Variants in DLG1 observed in about 807,000 individuals in gnomAD.
DLG1 encodes disks large homolog 1.
In DLG1, 42 loss-of-function variants were observed where a neutral mutation model predicts 123.4. The ratio of observed to expected loss-of-function variants is 0.34; its 90% CI spans 0.27 to 0.44. DLG1 has a LOEUF of 0.44. Among genes scored for constraint, DLG1 ranks in the 20% least tolerant of loss-of-function variants. DLG1 has a pLI of 1.00. For synonymous variants in DLG1, 317 were observed against 356.2 expected, an observed-to-expected ratio of 0.89 and a Z score of 1.24; for missense variants, 942 against 1,082.6, an observed-to-expected ratio of 0.87 and a Z score of 1.82.
chr3:197,239,017 CAG>C (rs772271050), intron 4 of DLG1, among the ~76,000 whole-genome samples: 71 of 151,858 alleles, frequency 4.7e-4, no homozygotes, highest in African/African-American at 3.6e-4. Context: ...AACAGAGAAA[CAG>C]AAGAAAAAAC....
At chr3:197,158,998 T>G (rs1470148919) in intron 5 of DLG1, among the ~76,000 whole-genome samples, 1 of 152,084 alleles carries the variant, frequency 6.6e-6, no homozygotes, top group Non-Finnish European at 1.5e-5. Flanking sequence ...ATCACAGAGA[T>G]TATGTGTTTA....
rs566020417 is a variant in DLG1 at position 197,209,842 on chromosome 3, A to G, written c.319-15253T>C. 4.6e-4 allele frequency among the ~76,000 whole-genome samples: 67 copies of G among 146,918 alleles called. 4 individuals are homozygous for G. The highest frequency in any genetic ancestry group is 1.4e-3 in the African/African-American group (59 of 41,308). On this transcript the variant is annotated intron_variant, in intron 4 of 24. Coordinates refer to ENST00000667157, the MANE Select transcript of DLG1 (RefSeq NM_001366207.1). ...AGCTAAATAGGACTATGTAGTAAAG[A>G]ATTTAACCTTGCTTTTAGCTCCCTC...
At chr3:197,199,024 C>A (rs1411358228) in intron 4 of DLG1, among the ~76,000 whole-genome samples, 1 of 152,090 alleles carries the variant, frequency 6.6e-6, no homozygotes, top group African/African-American at 2.4e-5. Flanking sequence ...TAACCATATA[C>A]TTTAAAAGAG....
chr3:197,220,087 T>C (rs935411182), intron 4 of DLG1, among the ~76,000 whole-genome samples: 2 of 152,236 alleles, frequency 1.3e-5, no homozygotes, highest in Non-Finnish European at 2.9e-5. Context: ...AAAGTTACAC[T>C]AGGTAACATG....
At chr3:197,097,027 C>A (rs971055510) in intron 14 of DLG1, among the ~76,000 whole-genome samples, 1 of 152,238 alleles carries the variant, frequency 6.6e-6, no homozygotes, top group African/African-American at 2.4e-5. Flanking sequence ...TGTTTAAAGA[C>A]ATGACCTCAG....
At position 197,119,391 on chromosome 3, in the gene DLG1, T is replaced by C; in HGVS notation, c.1286+19A>G. The C allele has an allele frequency of 6.4e-7, 1 of 1,573,006 alleles. No homozygotes were observed. Among genetic ancestry groups the C allele is most frequent in the South Asian group, 1.2e-5 (1 of 85,578 alleles). The stretch of plus-strand genomic sequence containing the variant: ...AATAGTTGATTTTATGTAAGAAGGA[T>C]AAATGTTAACTTCCTTACCTTGTAA... On this transcript the variant is annotated intron_variant, in intron 12 of 24. Transcript: ENST00000667157.
chr3:197,103,501 A>G (rs1025450716), intron 14 of DLG1, among the ~76,000 whole-genome samples: 1 of 152,030 alleles, frequency 6.6e-6, no homozygotes, highest in Non-Finnish European at 1.5e-5. Flanking sequence ...ATAGGGTCCC[A>G]TTGGCAGATT....
At chr3:197,281,620 A>G (rs1004417786) in intron 4 of DLG1, among the ~76,000 whole-genome samples, 5 of 152,246 alleles carry the variant, frequency 3.3e-5, no homozygotes, top group Non-Finnish European at 5.9e-5. Context: ...TGTAAAGAAA[A>G]TAAGGATATA....
At chr3:197,278,464 CA>C (rs1767615671) in intron 4 of DLG1, among the ~76,000 whole-genome samples, 1 of 151,344 alleles carries the variant, frequency 6.6e-6, no homozygotes, top group Non-Finnish European at 1.5e-5. Flanking sequence ...GAGTGAGACA[CA>C]GTTTCTAAAA....
At chr3:197,094,906 G>A (rs990852984) in intron 14 of DLG1, among the ~76,000 whole-genome samples, 1 of 152,130 alleles carries the variant, frequency 6.6e-6, no homozygotes, top group Non-Finnish European at 1.5e-5. Flanking sequence ...TGGAATTCCA[G>A]ATATTTTTTT....
chr3:197,157,072 TG>T (rs1237745910), intron 5 of DLG1, among the ~76,000 whole-genome samples: 1 of 152,204 alleles, frequency 6.6e-6, no homozygotes, highest in Non-Finnish European at 1.5e-5. Flanking sequence ...TACTCAGTGG[TG>T]AAAGACTGAA....
At chr3:197,057,693 A>T (rs932468106) in intron 23 of DLG1, among the ~76,000 whole-genome samples, 2 of 151,572 alleles carry the variant, frequency 1.3e-5, no homozygotes, top group Admixed American at 6.6e-5. Flanking sequence ...TTCTTTGGAG[A>T]TTCTCTTTTG....
intron 4 of DLG1, among the ~76,000 whole-genome samples, chr3:197,260,782 A>AAAAAAAAAAAAAAAAAAC (rs1759029342): frequency 7.2e-6 from 1 of 138,940 alleles, no homozygotes; most frequent in Admixed American, 7.2e-5. Context: ...AAAAAAAAAA[A>AAAAAAAAAAAAAAAAAAC]AATCACTAAA....
At chr3:197,281,126 C>T (rs1230423594) in intron 4 of DLG1, among the ~76,000 whole-genome samples, 1 of 151,964 alleles carries the variant, frequency 6.6e-6, no homozygotes, top group Non-Finnish European at 1.5e-5. Flanking sequence ...CAACCTCCGC[C>T]TCCCAGGTTC....
chr3:197,125,889 C>T (rs1778808734), intron 11 of DLG1, among the ~76,000 whole-genome samples: 1 of 152,146 alleles, frequency 6.6e-6, no homozygotes, highest in African/African-American at 2.4e-5. Flanking sequence ...TCACCACAGC[C>T]AGGGATAGAG....
At chr3:197,136,845 T>G (rs1165351662) in intron 9 of DLG1, among the ~76,000 whole-genome samples, 167 bp from the exon 10 acceptor site, 1 of 152,266 alleles carries the variant, frequency 6.6e-6, no homozygotes, top group African/African-American at 2.4e-5. Flanking sequence ...AAGGGACACT[T>G]AGACATACAG....
At chr3:197,082,630 C>G (rs1210269188) in intron 16 of DLG1, among the ~76,000 whole-genome samples, 3 of 151,930 alleles carry the variant, frequency 2.0e-5, no homozygotes, top group African/African-American at 4.8e-5. Context: ...AATTACAATT[C>G]CTATGTTATT....
intron 4 of DLG1, among the ~76,000 whole-genome samples, chr3:197,212,558 T>A (rs1731821399): frequency 6.6e-6 from 1 of 152,244 alleles, no homozygotes; most frequent in South Asian, 2.1e-4. Flanking sequence ...TCTTCCGCAC[T>A]CCTTGGCTTA....
chr3:197,131,590 T>C (rs1181570193), intron 10 of DLG1, among the ~76,000 whole-genome samples: 5 of 92,150 alleles, frequency 5.4e-5, no homozygotes, highest in African/African-American at 1.6e-4. Flanking sequence ...CTTTCTTTTT[T>C]TTTTTTTTTT....
Sources: gnomAD v4.1 joint callset for allele counts (sites outside exome capture counted in the v4.1 genomes callset) on GRCh38, gnomAD v4.1.1 for gene constraint, MANE v1.5 for transcripts, NCBI Gene and HGNC (gene_info 2026-07-23, HGNC 2026-07-21) for gene names.